The following LACC1 variants were observed in gnomAD, a reference collection of about 807,000 sequenced individuals.
LACC1 encodes the protein laccase domain multifunctional purine nucleosidase 1, also known as purine nucleoside phosphorylase LACC1.
LACC1 carries 25 observed loss-of-function variants against 34.8 expected under a neutral mutation model. The observed-to-expected ratio is 0.72, with a 90% confidence interval of 0.52 to 1.00. LACC1 has a LOEUF of 1.00. Among genes scored for constraint, LACC1 ranks in the 50% least tolerant of loss-of-function variants. LACC1 has a pLI of 0.00. For synonymous variants in LACC1, 162 were observed against 168.0 expected (o/e 0.96, Z 0.28); for missense variants, 426 against 511.2 (o/e 0.83, Z 1.61).
At position 43,881,524 on chromosome 13, in the gene LACC1, T is replaced by C; in HGVS notation, c.539T>C (p.Ile180Thr). Residue 180 changes from isoleucine (I) to threonine (T), a missense_variant, in exon 2 of 7, where the codon ATT becomes ACT. Physicochemically the swap from Ile to Thr is moderately conservative, Grantham distance 89 (BLOSUM62 -1). Transcript: ENST00000325686. ...SLPALRGKLT[I>T]ITSSLIPDIF... ...CCAGCACTGAGAGGAAAATTAACTA[T>C]TATCACTTCTTCTTTGATCCCAGGT... is the stretch of plus-strand genomic sequence containing the variant. 6.2e-7 allele frequency: 1 copy of C among 1,604,714 alleles called. No homozygotes were observed. Among genetic ancestry groups the C allele is most frequent in the South Asian group, 1.1e-5 (1 of 90,238 alleles).
chr13:43,887,681 A>G (rs868833460), intron 4 of LACC1, among the ~76,000 whole-genome samples: 4 of 152,196 alleles, frequency 2.6e-5, no homozygotes, highest in African/African-American at 9.6e-5. Flanking sequence ...GAAGACACAA[A>G]TAAATGCAGA....
rs9533677 is a variant in LACC1, at chr13:43,888,708, A to T, written c.908-49A>T. The T allele has an allele frequency of 2.9e-3, 4,332 of 1,468,840 alleles. 10 individuals are homozygous for T. Among genetic ancestry groups the T allele is most frequent in the Middle Eastern group, 8.9e-3 (51 of 5,722 alleles). The allele number at this position is 1,468,840 out of a possible 1,614,324, so 91.0% of individuals were successfully genotyped here. ...TAACTTAGACATAAATTCAGGTGAAATTTTTTATGTTTTGACTTCTCTTAT... is the reference window on the plus strand; with the variant it reads ...TAACTTAGACATAAATTCAGGTGAATTTTTTTATGTTTTGACTTCTCTTAT... On this transcript the variant is annotated intron_variant, in intron 4 of 6. Coordinates refer to ENST00000325686, the MANE Select transcript of LACC1 (RefSeq NM_153218.4).
chr13:43,889,088 GT>G, intron 5 of LACC1, 106 bp downstream of exon 5: 1 of 857,962 alleles, frequency 1.2e-6, no homozygotes, highest in Non-Finnish European at 1.9e-6. Flanking sequence ...TTAGGTGGTG[GT>G]TATTTAAGCA....
At chr13:43,888,282 C>T (rs553186563) in intron 4 of LACC1, among the ~76,000 whole-genome samples, 21 of 152,098 alleles carry the variant, frequency 1.4e-4, no homozygotes, top group Admixed American at 1.2e-3. Context: ...TGGTGATTGC[C>T]AGGGGCTGGT....
At position 43,882,199 on chromosome 13, in the gene LACC1, G is replaced by A; in HGVS notation, c.577G>A (p.Gly193Arg). The A allele has an allele frequency of 6.3e-7, 1 of 1,597,492 alleles. No homozygotes were observed. Among genetic ancestry groups the A allele is most frequent in the South Asian group, 1.1e-5 (1 of 87,132 alleles). The change falls in exon 3 of 7, where the codon GGA becomes AGA. Residue 193 changes from glycine to arginine, a missense_variant. Around this residue, in one of 2 missense-constraint regions of LACC1, gnomAD observed 209 missense variants for 300.3 expected, o/e 0.70. Coordinates refer to ENST00000325686, the MANE Select transcript of LACC1 (RefSeq NM_153218.4). ...SSLIPDIFIH[G>R]FTTRTGGISY... ...ATCTTCAACAGATATTTTCATACAT[G>A]GATTTACTACAAGAACAGGTGGGAT...
intron 2 of LACC1, 75 bp downstream of exon 2, chr13:43,881,622 T>G: frequency 2.7e-6 from 3 of 1,111,994 alleles, no homozygotes; most frequent in Non-Finnish European, 3.8e-6. Context: ...GTTCACCTCT[T>G]TTTTTCCTCC....
At chr13:43,879,815 AGGTG>A (rs1318641280), upstream of LACC1, 1,857 of 40,458 alleles carry the variant, frequency 0.046, 27 homozygotes, top group Non-Finnish European at 0.1. Context: ...AGGCGGGGCG[AGGTG>A]GGCGAGGTGG....
rs1001617282 is a variant in LACC1 at position 43,893,137 on chromosome 13, T to C, written c.*1690T>C. 3 of 152,130 alleles carry C rather than the reference T, an allele frequency of 2.0e-5. No individual in the cohort carries two copies. Among genetic ancestry groups the C allele is most frequent in the African/African-American group, 7.2e-5 (3 of 41,440 alleles). The allele number at this position is 152,130 out of a possible 1,614,324, so 9.4% of individuals were successfully genotyped here. On this transcript the variant is annotated 3_prime_UTR_variant, in exon 7 of 7. Coordinates refer to ENST00000325686, the MANE Select transcript of LACC1 (RefSeq NM_153218.4). ...AAGTTATCACATTGCATCTTAAAAATATTCTTATTTAATACATATATTTCC... is the reference window on the plus strand; with the variant it reads ...AAGTTATCACATTGCATCTTAAAAACATTCTTATTTAATACATATATTTCC...
chr13:43,888,991 G>T lies in LACC1; in HGVS notation c.1133+9G>T. On this transcript the variant is annotated intron_variant, in intron 5 of 6. Transcript: ENST00000325686. ...ATCCGTAAAGCCACAAGGTATGTCT[G>T]ATTTCATTCAACTGCAAGTTTGATT... 1.9e-6 allele frequency: 3 copies of T among 1,589,084 alleles called. No homozygotes were observed. The highest frequency in any genetic ancestry group is 1.1e-5 in the South Asian group (1 of 90,390).
rs200933308 is a variant in LACC1 at position 43,881,140 on chromosome 13, A to G, written c.155A>G (p.Tyr52Cys). 47 of 1,614,070 alleles carry G rather than the reference A, an allele frequency of 2.9e-5. No individual in the cohort carries two copies. The highest frequency in any genetic ancestry group is 2.2e-5 in the South Asian group (2 of 91,088). The stretch of plus-strand genomic sequence containing the variant: ...ATAATGTGTTGCAGTAACATCAGCT[A>G]TGAAAGGGATGGAGAACAAGATAAT... ...LCIMCCSNIS[Y>C]ERDGEQDNCE... is the part of the protein sequence containing the mutation. The change falls in exon 2 of 7, where the codon TAT becomes TGT. Residue 52 changes from tyrosine to cysteine, a missense_variant. Coordinates refer to ENST00000325686, the MANE Select transcript of LACC1 (RefSeq NM_153218.4).
At position 43,891,564 on chromosome 13, in the gene LACC1, CT is replaced by C. The variant is rs994547914; in HGVS notation, c.*121del. On this transcript the variant is annotated 3_prime_UTR_variant, in exon 7 of 7. Coordinates refer to ENST00000325686, the MANE Select transcript of LACC1 (RefSeq NM_153218.4). ...AAATGGATTACAATGGATAATTCAT[CT>C]TTTGGGTATATTTTTACTATTATTC... The C allele has an allele frequency of 5.0e-5, 45 of 905,572 alleles. No individual in the cohort carries two copies. The highest frequency in any genetic ancestry group is 5.9e-5 in the Non-Finnish European group (45 of 757,376). The allele number at this position is 905,572 out of a possible 1,614,324, so 56.1% of individuals were successfully genotyped here. A position where few individuals can be genotyped will look rare whatever the true frequency, so the allele number is the denominator to read the frequency against.
rs9562518 is a variant in LACC1, at chr13:43,880,080, A to G, written c.-74A>G. 2,791 of 152,308 alleles carry G rather than the reference A, an allele frequency of 0.018. 61 individuals are homozygous for G. Among genetic ancestry groups the G allele is most frequent in the East Asian group, 0.075 (383 of 5,108 alleles). 9.4% of individuals were successfully genotyped at this position (152,308 alleles called of 1,614,324 possible). A position where few individuals can be genotyped will look rare whatever the true frequency, so the allele number is the denominator to read the frequency against. Reference sequence around the variant, plus strand: ...GAGCCGCCGGTGGAGGTGCCCGGGCAGGTGCAGAGCCACAGCCTGCGCCCC... The same window carrying G: ...GAGCCGCCGGTGGAGGTGCCCGGGCGGGTGCAGAGCCACAGCCTGCGCCCC... On this transcript the variant is annotated 5_prime_UTR_variant, in exon 1 of 7. Coordinates refer to ENST00000325686, the MANE Select transcript of LACC1 (RefSeq NM_153218.4).
chr13:43,881,592 C>T (rs1162825762), intron 2 of LACC1, 45 bp downstream of exon 2: 1 of 1,394,506 alleles, frequency 7.2e-7, no homozygotes, highest in South Asian at 1.4e-5. Context: ...ACATGGAAAA[C>T]TAGTCTTTCT....
At chr13:43,884,582 AAAG>A (rs1416392428) in intron 4 of LACC1, among the ~76,000 whole-genome samples, 1 of 152,214 alleles carries the variant, frequency 6.6e-6, no homozygotes, top group African/African-American at 2.4e-5. Flanking sequence ...CTCTGAGAGC[AAAG>A]AAGTATTTTT....
intron 3 of LACC1, 139 bp from the exon 4 acceptor site, chr13:43,883,632 T>G: frequency 3.9e-6 from 2 of 508,794 alleles, no homozygotes; most frequent in Non-Finnish European, 6.5e-6. Flanking sequence ...TTCCCATATA[T>G]AAAAGTGATA....
At chr13:43,886,938 A>G (rs1955361865) in intron 4 of LACC1, among the ~76,000 whole-genome samples, 1 of 152,160 alleles carries the variant, frequency 6.6e-6, no homozygotes, top group Non-Finnish European at 1.5e-5. Flanking sequence ...TGGATGAACT[A>G]CAAGTGAGAG....
rs1461392158 is a variant in LACC1, at chr13:43,889,064, ACT to A, written c.1133+85_1133+86del. 3 of 1,155,456 alleles carry A rather than the reference ACT, an allele frequency of 2.6e-6. No homozygotes were observed. The East Asian group carries it at 7.1e-5, about 27-fold the overall frequency. 71.6% of individuals were successfully genotyped at this position (1,155,456 alleles called of 1,614,324 possible). On this transcript the variant is annotated intron_variant, in intron 5 of 6. Transcript: ENST00000325686. ...AATTTATTTTGGAGAACAATTAATA[ACT>A]CTAAGAAGAATTTAGGTGGTGGTTA... is the stretch of plus-strand genomic sequence containing the variant.
In LACC1 at chr13:43,881,130, A is replaced by G; in HGVS notation, c.145A>G (p.Asn49Asp). The G allele has an allele frequency of 6.2e-7, 1 of 1,614,218 alleles. No individual in the cohort carries two copies. The highest frequency in any genetic ancestry group is 8.5e-7 in the Non-Finnish European group (1 of 1,180,028). ...AKFLCIMCCS[N>D]ISYERDGEQD... Reference sequence around the variant, plus strand: ...GTTTCTCTGTATAATGTGTTGCAGTAACATCAGCTATGAAAGGGATGGAGA... The same window carrying G: ...GTTTCTCTGTATAATGTGTTGCAGTGACATCAGCTATGAAAGGGATGGAGA... Residue 49 changes from asparagine (N) to aspartate (D), a missense_variant, in exon 2 of 7, where the codon AAC (asparagine) becomes GAC (aspartate). Transcript: ENST00000325686.
chr13:43,888,771 T>C lies in LACC1; in HGVS notation c.922T>C (p.Leu308=). ...CTATTTACCAGGTTGGAAAGGTACT[T>C]TGTTGGGTGTTGCTATGGCTACAGT... is the stretch of plus-strand genomic sequence containing the variant. ...GVAHAGWKGT[L]LGVAMATVNA... The change falls in exon 5 of 7, where the codon TTG becomes CTG. Residue 308 remains leucine (L), a synonymous_variant. Coordinates refer to ENST00000325686, the MANE Select transcript of LACC1 (RefSeq NM_153218.4). The C allele has an allele frequency of 6.2e-7, 1 of 1,613,620 alleles. No homozygotes were observed. The highest frequency in any genetic ancestry group is 1.3e-5 in the African/African-American group (1 of 75,026).
Sources: gnomAD v4.1 joint callset for allele counts (sites outside exome capture counted in the v4.1 genomes callset) on GRCh38, gnomAD v4.1.1 for gene constraint, gnomAD v4.1.1 regional missense constraint, MANE v1.5 for transcripts, NCBI Gene and HGNC (gene_info 2026-07-23, HGNC 2026-07-21) for gene names.